The following NFASC variants were observed in gnomAD, a reference collection of about 807,000 sequenced individuals.
NFASC encodes the protein neurofascin, also known as neurofascin homolog.
A neutral mutation model predicts 147.5 loss-of-function variants in NFASC; 43 were observed. The observed-to-expected ratio is 0.29, with a 90% confidence interval of 0.23 to 0.38. The LOEUF (loss-of-function observed/expected upper bound fraction) is 0.38. Among genes scored for constraint, NFASC ranks in the 10% least tolerant of loss-of-function variants. NFASC has a pLI of 1.00. For synonymous variants in NFASC, 622 were observed against 665.5 expected (o/e 0.93, Z 1.01); for missense variants, 1,320 against 1,689.0 (o/e 0.78, Z 3.83).
intron 1 of NFASC, among the ~76,000 whole-genome samples, chr1:204,908,183 T>C (rs2086427535): frequency 6.6e-6 from 1 of 152,126 alleles, no homozygotes; most frequent in Admixed American, 6.5e-5. Flanking sequence ...GGTTTCACCA[T>C]GTTGTCTAGG....
Position 205,005,393 on chromosome 1 carries a change from G to C in NFASC, c.3289+2645G>C, listed in dbSNP as rs547637445. The stretch of plus-strand genomic sequence containing the variant: ...GTGTATTGCCCGCTTCTGAGTGGGT[G>C]TTGCCGGGAGAGGTGTGGAAGGCAC... On this transcript the variant is annotated intron_variant, in intron 27 of 29. Transcript: ENST00000339876. Among the ~76,000 whole-genome samples the C allele has an allele frequency of 7.9e-5, 12 of 151,880 alleles. No homozygotes were observed. The East Asian group carries it at 2.1e-3, about 27-fold the overall frequency.
Position 204,828,670 on chromosome 1 carries a change from G to C in NFASC, c.-312G>C. The C allele has an allele frequency of 1.0e-6, 1 of 985,438 alleles. No homozygotes were observed. The highest frequency in any genetic ancestry group is 1.2e-6 in the Non-Finnish European group (1 of 830,046). 61.0% of individuals were successfully genotyped at this position (985,438 alleles called of 1,614,324 possible). ...CGGGGACGCGCACGGGCTGGTCTCT[G>C]CCCTAATGCGGCGGCTGGCGGCGAG... On this transcript the variant is annotated 5_prime_UTR_variant, in exon 1 of 30. Transcript: ENST00000339876.
At chr1:205,000,696 GGGGGCC>G in intron 25 of NFASC, 3 of 179,722 alleles carry the variant, frequency 1.7e-5, no homozygotes, top group Non-Finnish European at 3.6e-5. Flanking sequence ...GCATGGTGGC[GGGGGCC>G]TGTAATCTCA....
chr1:205,017,264 G>GCGACCACC lies in NFASC; in HGVS notation c.*725_*726insCGACCACC. On this transcript the variant is annotated 3_prime_UTR_variant, in exon 30 of 30. Transcript: ENST00000339876. Reference sequence around the variant, plus strand: ...TCCTTGCTGCTCTCTGGTTTGGTTGGGAGGTGTGTTTACCTCTTGCTCCTC... The same window carrying GCGACCACC: ...TCCTTGCTGCTCTCTGGTTTGGTTGGCGACCACCGAGGTGTGTTTACCTCTTGCTCCTC... The GCGACCACC allele has an allele frequency of 6.3e-6, 1 of 159,546 alleles. No individual in the cohort carries two copies. Among genetic ancestry groups the GCGACCACC allele is most frequent in the Admixed American group, 5.8e-5 (1 of 17,140 alleles). 9.9% of individuals were successfully genotyped at this position (159,546 alleles called of 1,614,324 possible). A position where few individuals can be genotyped will look rare whatever the true frequency, so the allele number is the denominator to read the frequency against.
chr1:204,938,018 T>C (rs2093023132), intron 2 of NFASC, among the ~76,000 whole-genome samples: 1 of 152,204 alleles, frequency 6.6e-6, no homozygotes. Context: ...GAGCCATGTC[T>C]CGACGCTGCC....
In NFASC at chr1:204,973,334, C is replaced by T; in HGVS notation, c.1194C>T (p.Thr398=). Residue 398 remains threonine (T), a synonymous_variant, in exon 12 of 30, where the codon ACC becomes ACT. Transcript: ENST00000339876. ...VAGDTIIFRD[T]QISSRAVYQC... is the part of the protein sequence containing the mutation. The stretch of plus-strand genomic sequence containing the variant: ...GAGACACCATCATCTTCCGGGACAC[C>T]CAGATCAGCAGCAGGGCTGTGTACC... 1.2e-6 allele frequency: 2 copies of T among 1,614,222 alleles called. No individual in the cohort carries two copies. The highest frequency in any genetic ancestry group is 1.7e-6 in the Non-Finnish European group (2 of 1,180,038).
At chr1:204,935,603 C>G (rs1275818544) in intron 2 of NFASC, among the ~76,000 whole-genome samples, 1 of 152,168 alleles carries the variant, frequency 6.6e-6, no homozygotes, top group East Asian at 1.9e-4. Context: ...GCTTGTGTGT[C>G]AGGACTGTAC....
intron 1 of NFASC, among the ~76,000 whole-genome samples, chr1:204,878,043 G>T (rs1486192179): frequency 2.0e-5 from 3 of 152,144 alleles, no homozygotes; most frequent in African/African-American, 7.2e-5. Context: ...GTGTATCTAG[G>T]TTTCTCCTGG....
At chr1:204,976,973 G>A (rs2095419668) in intron 16 of NFASC, 178 bp downstream of exon 16, 12 of 1,396,666 alleles carry the variant, frequency 8.6e-6, no homozygotes, top group Non-Finnish European at 1.0e-5. Flanking sequence ...TTCAGAACAA[G>A]CTGTGCTGGA....
At chr1:204,967,622 C>T (rs552595016) in intron 8 of NFASC, among the ~76,000 whole-genome samples, 6 of 152,132 alleles carry the variant, frequency 3.9e-5, no homozygotes, top group South Asian at 4.2e-4. Flanking sequence ...GCTGTCTTCC[C>T]GAGTCATTAG....
intron 1 of NFASC, among the ~76,000 whole-genome samples, chr1:204,858,917 T>C (rs189185868): frequency 7.9e-5 from 12 of 152,004 alleles, no homozygotes; most frequent in African/African-American, 2.9e-4. Flanking sequence ...GGCACTCCTT[T>C]ATCTCACAGC....
chr1:204,936,204 CT>C lies in NFASC; in HGVS notation c.-90-8007del, dbSNP rs71147722. ...ATTCCCTCTCTCTCTCTTTCTTTTT[CT>C]TTTTTTTTTTTTTTGAGATGGAGTC... On this transcript the variant is annotated intron_variant, in intron 2 of 29. Transcript: ENST00000339876. Among the ~76,000 whole-genome samples the C allele has an allele frequency of 7.3e-3, 889 of 121,872 alleles. 14 individuals carry two copies. Among genetic ancestry groups the C allele is most frequent in the African/African-American group, 0.027 (817 of 30,630 alleles). 80.0% of individuals were successfully genotyped at this position (121,872 alleles called of 152,430 possible).
chr1:204,975,417 A>C lies in NFASC; in HGVS notation c.1705A>C (p.Arg569=). 1 of 1,610,298 alleles carries C rather than the reference A, an allele frequency of 6.2e-7. No individual in the cohort carries two copies. The highest frequency in any genetic ancestry group is 8.5e-7 in the Non-Finnish European group (1 of 1,176,954). ...KDDEPLYIGN[R]MKKEDDSLTI... ...TGACGAGCCGCTCTATATTGGAAAC[A>C]GGTTTCTCTTCCCCCTTCCCCCTTC... The change falls in exon 15 of 30, where the codon AGG becomes CGG. Residue 569 remains arginine, a splice_region_variant and synonymous_variant. Transcript: ENST00000339876. This position sits in a 1 kb window ranked among gnomAD's most constrained non-coding sequence, Gnocchi z 4.0.
In NFASC at chr1:204,944,354, C is replaced by T. The variant is rs149111254; in HGVS notation, c.39C>T (p.Ala13=). ...CACCGCCGCCCTGGGTCCATGCAGCCTTCCTCCTCTGCCTCCTCAGTCTTG... is the reference window on the plus strand; with the variant it reads ...CACCGCCGCCCTGGGTCCATGCAGCTTTCCTCCTCTGCCTCCTCAGTCTTG... ...RQPPPPWVHA[A]FLLCLLSLGG... The change falls in exon 3 of 30, where the codon GCC becomes GCT. Residue 13 remains alanine (A), a synonymous_variant. Transcript: ENST00000339876. 6.9e-5 allele frequency: 111 copies of T among 1,613,486 alleles called. No homozygotes were observed. The highest frequency in any genetic ancestry group is 9.1e-5 in the Non-Finnish European group (107 of 1,179,766).
chr1:205,005,595 A>T (rs1200980179), intron 27 of NFASC, among the ~76,000 whole-genome samples: 2 of 152,228 alleles, frequency 1.3e-5, no homozygotes, highest in African/African-American at 4.8e-5. Flanking sequence ...CCGATTGAGT[A>T]TGGTGTTGAC....
At chr1:205,013,544 C>T (rs1355868634) in intron 29 of NFASC, among the ~76,000 whole-genome samples, 3 of 152,174 alleles carry the variant, frequency 2.0e-5, no homozygotes, top group South Asian at 4.1e-4. Context: ...GGCCAGGTCC[C>T]GCATTTCCAG....
intron 1 of NFASC, among the ~76,000 whole-genome samples, chr1:204,848,511 C>G (rs1046576674): frequency 1.3e-5 from 2 of 152,162 alleles, no homozygotes; most frequent in African/African-American, 4.8e-5. Flanking sequence ...CAGGCATAAG[C>G]CACCACACCC....
chr1:204,877,955 C>T (rs1209857217), intron 1 of NFASC, among the ~76,000 whole-genome samples: 1 of 152,172 alleles, frequency 6.6e-6, no homozygotes, highest in Non-Finnish European at 1.5e-5. Context: ...AACACTGCAG[C>T]CCTTGATGGG....
intron 1 of NFASC, among the ~76,000 whole-genome samples, chr1:204,909,025 T>C (rs1034182598): frequency 6.6e-6 from 1 of 152,222 alleles, no homozygotes; most frequent in Non-Finnish European, 1.5e-5. Context: ...TTGCCTATTA[T>C]GAATAAAGCT....
Sources: gnomAD v4.1 joint callset for allele counts (sites outside exome capture counted in the v4.1 genomes callset) on GRCh38, gnomAD v4.1.1 for gene constraint, Gnocchi (gnomAD v3.1) non-coding constraint, MANE v1.5 for transcripts, NCBI Gene and HGNC (gene_info 2026-07-23, HGNC 2026-07-21) for gene names.